TENM3: variants seen among roughly 807,000 people sequenced by gnomAD.
The protein encoded by TENM3 is teneurin transmembrane protein 3.
A neutral mutation model predicts 255.1 loss-of-function variants in TENM3; 63 were observed. The observed-to-expected ratio is 0.25, with a 90% confidence interval of 0.20 to 0.30. The LOEUF (loss-of-function observed/expected upper bound fraction) is 0.30, where lower values mean the gene tolerates loss of function less well. Among genes scored for constraint, TENM3 ranks in the 10% least tolerant of loss-of-function variants. The probability of loss-of-function intolerance (pLI) is 1.00; values close to 1 mark genes in which losing one functional copy is unlikely to be tolerated. For missense variants in TENM3, 2,929 were observed against 3,461.1 expected (o/e 0.85, Z 3.86); for synonymous variants, 1,306 against 1,322.3 (o/e 0.99, Z 0.27).
chr4:182,339,759 C>G (rs906407155), intron 2 of TENM3, among the ~76,000 whole-genome samples: 1 of 152,108 alleles, frequency 6.6e-6, no homozygotes, highest in Non-Finnish European at 1.5e-5. Flanking sequence ...AAACCATAGG[C>G]GTATTTATAC....
intron 1 of TENM3, among the ~76,000 whole-genome samples, chr4:182,271,666 G>A (rs1396562069): frequency 6.6e-6 from 1 of 152,182 alleles, no homozygotes; most frequent in East Asian, 1.9e-4. Flanking sequence ...TATAAGCAGT[G>A]GCGATATTTT....
the TENM3 span, among the ~76,000 whole-genome samples, chr4:182,118,236 A>G: frequency 6.6e-6 from 1 of 152,100 alleles, no homozygotes; most frequent in African/African-American, 2.4e-5. Flanking sequence ...GAACAGAGAC[A>G]GTATTATTTC....
the TENM3 span, among the ~76,000 whole-genome samples, chr4:181,491,104 A>G: frequency 6.6e-6 from 1 of 152,104 alleles, no homozygotes; most frequent in Non-Finnish European, 1.5e-5. Flanking sequence ...CCTAAAAAAA[A>G]TCTATGGTCT....
chr4:182,682,472 G>A (rs1368499312), intron 11 of TENM3, among the ~76,000 whole-genome samples: 1 of 152,188 alleles, frequency 6.6e-6, no homozygotes, highest in Non-Finnish European at 1.5e-5. Flanking sequence ...TCAACACTGA[G>A]TTTTTAATCA....
chr4:181,591,120 G>A, the TENM3 span, among the ~76,000 whole-genome samples: 1 of 152,182 alleles, frequency 6.6e-6, no homozygotes, highest in Non-Finnish European at 1.5e-5. Flanking sequence ...AATATGGCCT[G>A]TTGACCAAGA....
At chr4:181,847,091 A>G in the TENM3 span, among the ~76,000 whole-genome samples, 1 of 152,238 alleles carries the variant, frequency 6.6e-6, no homozygotes, top group Non-Finnish European at 1.5e-5. Context: ...TCCGAACACC[A>G]GCAGCTGGAA....
the TENM3 span, among the ~76,000 whole-genome samples, chr4:181,992,710 A>G: frequency 5.3e-5 from 8 of 152,150 alleles, no homozygotes; most frequent in Admixed American, 5.2e-4. Flanking sequence ...GCTGTTTCAA[A>G]TGTGCGGTAA....
intron 22 of TENM3, among the ~76,000 whole-genome samples, chr4:182,763,351 G>A (rs1460676286): frequency 2.0e-5 from 3 of 152,208 alleles, no homozygotes; most frequent in East Asian, 3.9e-4. Context: ...GGATCACGAC[G>A]TCAGGAGATC....
the TENM3 span, among the ~76,000 whole-genome samples, chr4:181,507,388 A>T: frequency 6.6e-6 from 1 of 152,356 alleles, no homozygotes; most frequent in African/African-American, 2.4e-5. Flanking sequence ...CCAATGGCAC[A>T]CTATTAAATG....
the TENM3 span, among the ~76,000 whole-genome samples, chr4:181,749,300 C>A: frequency 6.6e-6 from 1 of 151,910 alleles, no homozygotes; most frequent in African/African-American, 2.4e-5. Flanking sequence ...ATGCATCTTG[C>A]AGAAAGAACT....
the TENM3 span, among the ~76,000 whole-genome samples, chr4:181,920,451 T>C: frequency 6.6e-6 from 1 of 152,184 alleles, no homozygotes; most frequent in African/African-American, 2.4e-5. Context: ...TGGTATCTCA[T>C]TGTGGTTTTG....
At chr4:182,132,201 C>T in the TENM3 span, among the ~76,000 whole-genome samples, 16 of 152,048 alleles carry the variant, frequency 1.1e-4, 1 homozygote, top group African/African-American at 9.7e-5. Context: ...GGTTATAGGC[C>T]GGGCGCAGTG....
chr4:181,501,129 T>G, the TENM3 span, among the ~76,000 whole-genome samples: 1 of 152,088 alleles, frequency 6.6e-6, no homozygotes, highest in African/African-American at 2.4e-5. Flanking sequence ...GAAAATGACT[T>G]CAGGACTTGG....
chr4:181,567,449 C>T, the TENM3 span, among the ~76,000 whole-genome samples: 1 of 152,190 alleles, frequency 6.6e-6, no homozygotes, highest in Non-Finnish European at 1.5e-5. Context: ...TTAACTCTAA[C>T]ATAAATTATT....
intron 1 of TENM3, among the ~76,000 whole-genome samples, chr4:182,154,915 A>C (rs1750598849): frequency 6.6e-6 from 1 of 152,232 alleles, no homozygotes; most frequent in African/African-American, 2.4e-5. Flanking sequence ...GTATATTCCC[A>C]ACTTGTAATG....
chr4:182,356,787 T>C (rs1046339797), intron 3 of TENM3, among the ~76,000 whole-genome samples: 48 of 152,042 alleles, frequency 3.2e-4, no homozygotes, highest in African/African-American at 8.9e-4. Context: ...TACATATGTA[T>C]ACATGTGCCA....
the TENM3 span, among the ~76,000 whole-genome samples, chr4:181,500,960 C>G: frequency 6.6e-6 from 1 of 152,140 alleles, no homozygotes; most frequent in African/African-American, 2.4e-5. Flanking sequence ...AACCCCTGCC[C>G]CACCTGTCAG....
chr4:182,067,681 C>G, the TENM3 span, among the ~76,000 whole-genome samples: 97,427 of 152,064 alleles, frequency 0.64, 32,474 homozygotes, highest in East Asian at 0.87. Context: ...CTGACTCTCT[C>G]TTGCTGGAAT....
chr4:182,321,013 G>T (rs929032924), intron 1 of TENM3, among the ~76,000 whole-genome samples: 1 of 152,150 alleles, frequency 6.6e-6, no homozygotes, highest in Non-Finnish European at 1.5e-5. Flanking sequence ...GGCAAGAAAT[G>T]AAACTTTTAT....
Sources: allele counts gnomAD v4.1 joint callset (sites outside exome capture counted in the v4.1 genomes callset), GRCh38; gene constraint gnomAD v4.1.1; transcripts MANE v1.5; gene names NCBI Gene and HGNC (gene_info 2026-07-23, HGNC 2026-07-21).